The following EML6 variants were observed in gnomAD, a reference collection of about 807,000 sequenced individuals.
EML6 encodes the protein echinoderm microtubule-associated protein-like 6.
EML6 carries 154 observed loss-of-function variants against 240.1 expected under a neutral mutation model. The ratio of observed to expected loss-of-function variants is 0.64; its 90% CI spans 0.56 to 0.73. EML6 has a LOEUF of 0.73. Among genes scored for constraint, EML6 ranks in the 30% least tolerant of loss-of-function variants. EML6 has a pLI of 0.00. For synonymous variants in EML6, 1,148 were observed against 899.0 expected, an observed-to-expected ratio of 1.28 and a Z score of -4.95; for missense variants, 2,964 against 2,474.6, an observed-to-expected ratio of 1.20 and a Z score of -4.20.
chr2:54,968,390 C>A, intron 40 of EML6, 109 bp downstream of exon 40: 2 of 1,065,020 alleles, frequency 1.9e-6, no homozygotes, highest in Non-Finnish European at 2.8e-6. Context: ...AACCCTGTCC[C>A]GGTACAGTGG....
chr2:54,737,325 G>C (rs1683442837), intron 2 of EML6, among the ~76,000 whole-genome samples: 1 of 152,122 alleles, frequency 6.6e-6, no homozygotes, highest in African/African-American at 2.4e-5. Context: ...TTAAGATGGA[G>C]TCTCACTCTG....
Position 54,823,878 on chromosome 2 carries a change from T to TCTCTC in EML6, c.525+3416_525+3417insCTCTC, listed in dbSNP as rs60937620. Among the ~76,000 whole-genome samples the TCTCTC allele has an allele frequency of 4.5e-3, 581 of 129,084 alleles. 27 individuals carry two copies. The highest frequency in any genetic ancestry group is 0.013 in the African/African-American group (366 of 29,278). The allele number at this position is 129,084 out of a possible 152,430, so 84.7% of individuals were successfully genotyped here. A position where few individuals can be genotyped will look rare whatever the true frequency, so the allele number is the denominator to read the frequency against. ...TCTCTCTCTCTCTCTCTCTCTCTCT[T>TCTCTC]TCTGTCTCTCTCTCTCTCTCTCAGA... is the stretch of plus-strand genomic sequence containing the variant. On this transcript the variant is annotated intron_variant, in intron 5 of 41. Coordinates refer to ENST00000356458, the MANE Select transcript of EML6 (RefSeq NM_001039753.4).
intron 16 of EML6, among the ~76,000 whole-genome samples, chr2:54,876,988 T>A (rs987952224): frequency 1.9e-5 from 2 of 105,942 alleles, no homozygotes; most frequent in South Asian, 3.9e-4. Context: ...AAAAAAAATT[T>A]TTTTTTTTTT....
chr2:54,813,396 G>A lies in EML6; in HGVS notation c.357+5G>A. On this transcript the variant is annotated splice_donor_5th_base_variant and intron_variant, in intron 3 of 41. Coordinates refer to ENST00000356458, the MANE Select transcript of EML6 (RefSeq NM_001039753.4). Reference sequence around the variant, plus strand: ...GCTTTTGACTCAGATGGACAGGTGTGTATCTTTTTTTAGTTGTTTTATTTA... The same window carrying A: ...GCTTTTGACTCAGATGGACAGGTGTATATCTTTTTTTAGTTGTTTTATTTA... 3 of 1,548,914 alleles carry A rather than the reference G, an allele frequency of 1.9e-6. No homozygotes were observed. The East Asian group carries it at 7.3e-5, about 38-fold the overall frequency.
intron 2 of EML6, among the ~76,000 whole-genome samples, chr2:54,733,037 C>T (rs187822041): frequency 1.3e-5 from 2 of 152,258 alleles, no homozygotes; most frequent in African/African-American, 2.4e-5. Context: ...CCTTTCTTCC[C>T]CTAAAGGGAG....
At chr2:54,943,473 C>T (rs1161081803) in intron 28 of EML6, among the ~76,000 whole-genome samples, 2 of 152,192 alleles carry the variant, frequency 1.3e-5, no homozygotes, top group African/African-American at 4.8e-5. Flanking sequence ...ATCTTATAAA[C>T]TTACACATTT....
At position 54,850,467 on chromosome 2, in the gene EML6, G is replaced by C. The variant is rs754683577; in HGVS notation, c.1444+249G>C. ...GTTGCTGCACAACAAGGGAGATCGTGAATGAAATGTAAAGACAAGGCATAG... is the reference window on the plus strand; with the variant it reads ...GTTGCTGCACAACAAGGGAGATCGTCAATGAAATGTAAAGACAAGGCATAG... On this transcript the variant is annotated intron_variant, in intron 10 of 41. Coordinates refer to ENST00000356458, the MANE Select transcript of EML6 (RefSeq NM_001039753.4). 2.4e-5 allele frequency: 10 copies of C among 409,020 alleles called. No homozygotes were observed. In the East Asian group the frequency reaches 3.9e-4, roughly 16 times the overall value. The allele number at this position is 409,020 out of a possible 1,614,324, so 25.3% of individuals were successfully genotyped here.
rs1035526100 is a variant in EML6 at position 54,725,467 on chromosome 2, T to C, written c.197+209T>C. ...TGAGGAGGGAGAGATGTCTTTTCGC[T>C]GTATCCCTCCGGAATTCTGGCTTTT... On this transcript the variant is annotated intron_variant, in intron 2 of 41. Coordinates refer to ENST00000356458, the MANE Select transcript of EML6 (RefSeq NM_001039753.4). The surrounding 1 kb of genome is among the most constrained non-coding windows in gnomAD (Gnocchi z 4.3). Among the ~76,000 whole-genome samples, 1 of 152,124 alleles carries C rather than the reference T, an allele frequency of 6.6e-6. No homozygotes were observed. Among genetic ancestry groups the C allele is most frequent in the Admixed American group, 6.5e-5 (1 of 15,282 alleles).
intron 2 of EML6, among the ~76,000 whole-genome samples, chr2:54,797,011 A>G (rs979603194): frequency 2.0e-5 from 3 of 151,662 alleles, no homozygotes; most frequent in African/African-American, 7.3e-5. Context: ...AAAAATACAA[A>G]AAAATTAGCG....
At chr2:54,789,536 AAAAAAAAAAAAAG>A (rs1291637689) in intron 2 of EML6, among the ~76,000 whole-genome samples, 71 of 149,346 alleles carry the variant, frequency 4.8e-4, no homozygotes, top group African/African-American at 1.7e-3. Flanking sequence ...AAAAAAAAAA[AAAAAAAAAAAAAG>A]AAAAAGAATG....
chr2:54,903,310 T>A, intron 23 of EML6, 61 bp from the exon 24 acceptor site: 1 of 1,530,696 alleles, frequency 6.5e-7, no homozygotes, highest in Non-Finnish European at 8.8e-7. Flanking sequence ...AAATACTAAG[T>A]TCCTGGAAGT....
intron 2 of EML6, among the ~76,000 whole-genome samples, chr2:54,791,226 C>T (rs73936466): frequency 0.065 from 9,879 of 152,198 alleles, 1,041 homozygotes; most frequent in African/African-American, 0.22. Context: ...ACAGATGATG[C>T]CAGTACATGC....
At chr2:54,949,145 C>T (rs1675838568) in intron 29 of EML6, among the ~76,000 whole-genome samples, 185 bp downstream of exon 29, 1 of 152,236 alleles carries the variant, frequency 6.6e-6, no homozygotes, top group Non-Finnish European at 1.5e-5. Context: ...GTCGCAGCCA[C>T]TGTATCGTAT....
chr2:54,745,613 CAA>C (rs1304794721), intron 2 of EML6, among the ~76,000 whole-genome samples: 1 of 151,878 alleles, frequency 6.6e-6, no homozygotes, highest in African/African-American at 2.4e-5. Flanking sequence ...TCCGCCTCTA[CAA>C]AAAAATAAAA....
chr2:54,739,583 G>GCAGCACA lies in EML6; in HGVS notation c.197+14342_197+14348dup, dbSNP rs1400135782. 4.1e-4 allele frequency among the ~76,000 whole-genome samples: 63 copies of GCAGCACA among 152,354 alleles called. 1 individual carries two copies. Among genetic ancestry groups the GCAGCACA allele is most frequent in the African/African-American group, 1.5e-3 (62 of 41,588 alleles). ...CCCTGTGTGAGGCGCTGGGGACCCA[G>GCAGCACA]CAGCACACAGCACACAGCACACATC... On this transcript the variant is annotated intron_variant, in intron 2 of 41. Coordinates refer to ENST00000356458, the MANE Select transcript of EML6 (RefSeq NM_001039753.4).
chr2:54,924,267 C>T (rs1674423172), intron 26 of EML6, among the ~76,000 whole-genome samples: 1 of 152,182 alleles, frequency 6.6e-6, no homozygotes, highest in Admixed American at 6.5e-5. Context: ...TCGATCTTGT[C>T]AGATGCATAA....
In EML6 at chr2:54,823,862, C is replaced by G. The variant is rs77048793; in HGVS notation, c.525+3400C>G. 6.0e-3 allele frequency among the ~76,000 whole-genome samples: 882 copies of G among 147,654 alleles called. 12 individuals carry two copies. Among genetic ancestry groups the G allele is most frequent in the Non-Finnish European group, 0.01 (696 of 67,384 alleles). On this transcript the variant is annotated intron_variant, in intron 5 of 41. Coordinates refer to ENST00000356458, the MANE Select transcript of EML6 (RefSeq NM_001039753.4). ...ATTCATTCATTCATTCTCTCTCTCT[C>G]TCTCTCTCTCTCTCTTTCTGTCTCT...
intron 14 of EML6, chr2:54,867,208 T>G: frequency 5.3e-6 from 1 of 188,386 alleles, no homozygotes; most frequent in Non-Finnish European, 1.1e-5. Context: ...TCTTTCTCCT[T>G]TCCCCTAATC....
At chr2:54,876,097 A>G (rs1256254504) in intron 16 of EML6, among the ~76,000 whole-genome samples, 1 of 152,208 alleles carries the variant, frequency 6.6e-6, no homozygotes, top group Non-Finnish European at 1.5e-5. Context: ...ACAGACATCC[A>G]TAATTAATGC....
Sources: allele counts gnomAD v4.1 joint callset (sites outside exome capture counted in the v4.1 genomes callset), GRCh38; gene constraint gnomAD v4.1.1; non-coding constraint Gnocchi (gnomAD v3.1); transcripts MANE v1.5; gene names NCBI Gene and HGNC (gene_info 2026-07-23, HGNC 2026-07-21).